IDO2: variants seen among roughly 807,000 people sequenced by gnomAD.
The protein encoded by IDO2 is indoleamine 2,3-dioxygenase 2, also known as indoleamine 2,3-dioxygenase-like 1 protein.
A neutral mutation model predicts 45.1 loss-of-function variants in IDO2; 46 were observed. The ratio of observed to expected loss-of-function variants is 1.02; its 90% CI spans 0.80 to 1.30. The LOEUF (loss-of-function observed/expected upper bound fraction) is 1.30. Ranked by LOEUF, IDO2 falls within the 50% of genes most tolerant of loss-of-function variation. The probability of loss-of-function intolerance (pLI) is 0.00; values close to 1 mark genes in which losing one functional copy is unlikely to be tolerated. For missense variants in IDO2, 544 were observed against 491.8 expected, an observed-to-expected ratio of 1.11 and a Z score of -1.00; for synonymous variants, 218 against 184.9, an observed-to-expected ratio of 1.18 and a Z score of -1.45.
chr8:39,964,768 A>T (rs188574380), intron 3 of IDO2, among the ~76,000 whole-genome samples: 168 of 152,384 alleles, frequency 1.1e-3, no homozygotes, highest in African/African-American at 3.7e-3. Flanking sequence ...TAAGAAAAAA[A>T]CTATCTGTAA....
chr8:39,995,179 C>CCTT (rs1293164862), intron 8 of IDO2: 5,605 of 112,408 alleles, frequency 0.05, 248 homozygotes, highest in Middle Eastern at 0.097. Flanking sequence ...TCCTCTTCTT[C>CCTT]CTTCTTCTTC....
In IDO2 at chr8:39,985,489, A is replaced by G. The variant is rs752572604; in HGVS notation, c.435-19A>G. On this transcript the variant is annotated intron_variant, in intron 5 of 10. Transcript: ENST00000502986. ...TTTTTTTCTCTCTTGGTGGTCATCA[A>G]TAACTGAAATTGGGCTAGATTCCTG... The G allele has an allele frequency of 3.2e-5, 50 of 1,559,256 alleles. No homozygotes were observed. Among genetic ancestry groups the G allele is most frequent in the South Asian group, 7.1e-5 (6 of 84,522 alleles).
intron 8 of IDO2, among the ~76,000 whole-genome samples, chr8:39,999,479 A>G (rs950725696): frequency 5.3e-5 from 8 of 151,888 alleles, no homozygotes; most frequent in East Asian, 1.9e-4. Context: ...GGATTTCACT[A>G]TGTTGGCCAG....
chr8:39,935,773 T>C (rs1429389787), intron 1 of IDO2, among the ~76,000 whole-genome samples: 1 of 152,180 alleles, frequency 6.6e-6, no homozygotes, highest in Non-Finnish European at 1.5e-5. Flanking sequence ...TGAGGACACA[T>C]TTGACAATGG....
chr8:39,972,080 G>T (rs1223470202), intron 3 of IDO2, among the ~76,000 whole-genome samples: 3 of 152,186 alleles, frequency 2.0e-5, no homozygotes, highest in Non-Finnish European at 4.4e-5. Context: ...AAAGTGCTGG[G>T]ATTACAGGCG....
At chr8:40,000,435 C>G (rs1802118071) in intron 8 of IDO2, among the ~76,000 whole-genome samples, 2 of 151,656 alleles carry the variant, frequency 1.3e-5, no homozygotes, top group South Asian at 2.1e-4. Context: ...TATTCCTAAA[C>G]AGCATATTAT....
chr8:39,941,340 G>A (rs562982020), intron 1 of IDO2, among the ~76,000 whole-genome samples: 19 of 151,690 alleles, frequency 1.3e-4, no homozygotes, highest in Non-Finnish European at 2.8e-4. Context: ...AAAGTATTTT[G>A]GAAAAATACT....
intron 3 of IDO2, among the ~76,000 whole-genome samples, chr8:39,966,280 G>A (rs1186621069): frequency 6.6e-6 from 1 of 152,026 alleles, no homozygotes; most frequent in Non-Finnish European, 1.5e-5. Flanking sequence ...ACCAGCCTCA[G>A]CCTCCCAAAG....
At position 39,982,750 on chromosome 8, in the gene IDO2, G is replaced by GA; in HGVS notation, c.415dup (p.Thr139AsnfsTer85). 6.3e-7 allele frequency: 1 copy of GA among 1,598,902 alleles called. No individual in the cohort carries two copies. The highest frequency in any genetic ancestry group is 8.5e-7 in the Non-Finnish European group (1 of 1,171,534). On this transcript the variant is annotated frameshift_variant, in exon 5 of 11. Coordinates refer to ENST00000502986, the Ensembl canonical transcript of IDO2. LOFTEE classifies it high-confidence loss of function. The stretch of plus-strand genomic sequence containing the variant: ...ACTCAGACTTGGTGCTGACGAACTG[G>GA]ACCAAAAAAGATCCAGACGGGTAAG...
intron 3 of IDO2, among the ~76,000 whole-genome samples, chr8:39,974,024 G>A (rs1420478172): frequency 6.6e-6 from 1 of 152,162 alleles, no homozygotes; most frequent in East Asian, 1.9e-4. Flanking sequence ...ACAGGTGTGA[G>A]CCACTGTGCC....
intron 1 of IDO2, among the ~76,000 whole-genome samples, chr8:39,943,531 A>C (rs978882958): frequency 4.6e-5 from 7 of 151,872 alleles, no homozygotes; most frequent in Admixed American, 4.6e-4. Context: ...AGGTCAGGAG[A>C]TCGAGACCAT....
At position 39,949,182 on chromosome 8, in the gene IDO2, C is replaced by A; in HGVS notation, c.17C>A (p.Pro6Gln). 3 of 1,608,160 alleles carry A rather than the reference C, an allele frequency of 1.9e-6. No individual in the cohort carries two copies. In the South Asian group the frequency reaches 3.3e-5, roughly 18 times the overall value. ...AACAAAATAATGGAGCCCCACAGAC[C>A]GAATGTGAAGACAGCAGTGCCATTG... The change falls in exon 2 of 11, where the codon CCG (proline) becomes CAG (glutamine). Residue 6 changes from proline to glutamine, a missense_variant. Coordinates refer to ENST00000502986, the Ensembl canonical transcript of IDO2.
intron 2 of IDO2, among the ~76,000 whole-genome samples, chr8:39,962,472 C>T (rs1199103130): frequency 6.6e-6 from 1 of 152,176 alleles, no homozygotes; most frequent in Non-Finnish European, 1.5e-5. Flanking sequence ...CTACACACAG[C>T]ACATTTCATG....
chr8:39,938,740 A>T (rs1262549193), intron 1 of IDO2, among the ~76,000 whole-genome samples: 15 of 152,242 alleles, frequency 9.9e-5, no homozygotes, highest in Non-Finnish European at 2.1e-4. Context: ...AAACTCAAAA[A>T]TAAGAAAATG....
intron 8 of IDO2, among the ~76,000 whole-genome samples, chr8:39,997,111 A>G (rs749691472): frequency 2.8e-4 from 43 of 152,208 alleles, no homozygotes; most frequent in Admixed American, 1.1e-3. Flanking sequence ...AAGATATACA[A>G]CCAAGACAAA....
intron 1 of IDO2, among the ~76,000 whole-genome samples, chr8:39,940,273 T>C (rs893877773): frequency 6.6e-6 from 1 of 152,168 alleles, no homozygotes; most frequent in Non-Finnish European, 1.5e-5. Context: ...CCTACAAATA[T>C]GAGGTCCATA....
intron 10 of IDO2, among the ~76,000 whole-genome samples, chr8:40,014,949 G>A (rs1229350370): frequency 6.6e-6 from 1 of 152,080 alleles, no homozygotes; most frequent in African/African-American, 2.4e-5. Flanking sequence ...AGGAGTTCAA[G>A]ACAAGCCTGG....
chr8:40,003,452 G>A (rs1376993488), intron 8 of IDO2, among the ~76,000 whole-genome samples: 1 of 151,118 alleles, frequency 6.6e-6, no homozygotes, highest in Admixed American at 6.6e-5. Flanking sequence ...AAGATAAAGG[G>A]CTTACCTATC....
chr8:39,960,826 A>G (rs1807982311), intron 2 of IDO2, among the ~76,000 whole-genome samples: 2 of 152,164 alleles, frequency 1.3e-5, no homozygotes. Flanking sequence ...TCTGTTGCCC[A>G]GGATGGAGTG....
Sources: allele counts gnomAD v4.1 joint callset (sites outside exome capture counted in the v4.1 genomes callset), GRCh38; gene constraint gnomAD v4.1.1; transcripts MANE v1.5; gene names NCBI Gene and HGNC (gene_info 2026-07-23, HGNC 2026-07-21).